ZNF69: variants seen among roughly 807,000 people sequenced by gnomAD.
ZNF69 encodes zinc finger protein 69.
ZNF69 carries 47 observed loss-of-function variants against 50.9 expected under a neutral mutation model. The observed-to-expected ratio is 0.92, with a 90% confidence interval of 0.73 to 1.18. The LOEUF (loss-of-function observed/expected upper bound fraction) is 1.18. ZNF69 is among the 50% of genes most tolerant of loss of function. ZNF69 has a pLI of 0.00. For missense variants in ZNF69, 717 were observed against 675.1 expected (o/e 1.06, Z -0.69); for synonymous variants, 216 against 223.1 (o/e 0.97, Z 0.29).
chr19:11,901,096 A>T (rs73003916), intron 1 of ZNF69, among the ~76,000 whole-genome samples: 1 of 151,938 alleles, frequency 6.6e-6, no homozygotes, highest in African/African-American at 2.4e-5. Context: ...TTACTTTATT[A>T]TGGAGACAGG....
chr19:11,946,469 C>G, the ZNF69 span, among the ~76,000 whole-genome samples: 2 of 152,134 alleles, frequency 1.3e-5, no homozygotes, highest in African/African-American at 4.8e-5. Flanking sequence ...CCCTCATTGG[C>G]TATCTGTCCC....
At chr19:11,940,334 G>T in the ZNF69 span, among the ~76,000 whole-genome samples, 2 of 152,200 alleles carry the variant, frequency 1.3e-5, no homozygotes, top group Non-Finnish European at 2.9e-5. Context: ...GACCCTTGCG[G>T]TGAGTGTTAC....
the ZNF69 span, among the ~76,000 whole-genome samples, chr19:11,974,443 C>T: frequency 5.9e-4 from 90 of 151,776 alleles, 1 homozygote; most frequent in African/African-American, 2.0e-3. Flanking sequence ...GTGATCCACC[C>T]GCCTTGGCCT....
the ZNF69 span, among the ~76,000 whole-genome samples, chr19:11,919,367 G>A: frequency 6.6e-6 from 1 of 151,976 alleles, no homozygotes; most frequent in African/African-American, 2.4e-5. Flanking sequence ...CTCCCCATCT[G>A]CTATGTGATA....
chr19:11,899,304 T>C (rs1350612453), intron 1 of ZNF69, among the ~76,000 whole-genome samples: 1 of 152,176 alleles, frequency 6.6e-6, no homozygotes, highest in Non-Finnish European at 1.5e-5. Context: ...TTTTTATTTT[T>C]CTTTCTTTAT....
the ZNF69 span, among the ~76,000 whole-genome samples, chr19:11,974,956 AG>A: frequency 6.6e-6 from 1 of 152,206 alleles, no homozygotes; most frequent in African/African-American, 2.4e-5. Flanking sequence ...AAAACCTATC[AG>A]CTTAAGGAAT....
chr19:11,946,872 T>G, the ZNF69 span: 10 of 306,748 alleles, frequency 3.3e-5, no homozygotes, highest in East Asian at 6.7e-4. Context: ...TGGTGGTACA[T>G]GCCTATAATC....
At chr19:11,971,500 C>T in the ZNF69 span, among the ~76,000 whole-genome samples, 1 of 152,094 alleles carries the variant, frequency 6.6e-6, no homozygotes, top group Non-Finnish European at 1.5e-5. Flanking sequence ...TGTTCTTAGT[C>T]ATTGTCTTCT....
the ZNF69 span, among the ~76,000 whole-genome samples, chr19:11,970,586 T>A: frequency 3.2e-4 from 49 of 152,238 alleles, no homozygotes; most frequent in Admixed American, 3.2e-3. Context: ...CTTTTTCTGT[T>A]AAGTGTTCAC....
At chr19:11,949,445 A>G in the ZNF69 span, 10 of 1,613,182 alleles carry the variant, frequency 6.2e-6, no homozygotes, top group Middle Eastern at 1.6e-4. Flanking sequence ...GAGAAACCCT[A>G]TGAATGTAAG....
At chr19:11,956,707 T>C in the ZNF69 span, 1 of 391,230 alleles carries the variant, frequency 2.6e-6, no homozygotes, top group Non-Finnish European at 4.5e-6. Context: ...AATACAAAAA[T>C]TAGCCAGGTG....
chr19:11,964,787 G>T, the ZNF69 span, among the ~76,000 whole-genome samples: 1 of 152,204 alleles, frequency 6.6e-6, no homozygotes, highest in African/African-American at 2.4e-5. Flanking sequence ...TGAGGAAGAC[G>T]CTAGTGTTCT....
chr19:11,967,226 C>G, the ZNF69 span, among the ~76,000 whole-genome samples: 1 of 152,090 alleles, frequency 6.6e-6, no homozygotes. Context: ...GTCGCAGGTA[C>G]TTGGGAGGCT....
At chr19:11,979,827 C>G in the ZNF69 span, 2 of 1,561,642 alleles carry the variant, frequency 1.3e-6, no homozygotes, top group African/African-American at 2.7e-5. Flanking sequence ...GCCTTCAGAT[C>G]TGCCAAGAAC....
At chr19:11,947,081 T>A in the ZNF69 span, 1 of 1,508,028 alleles carries the variant, frequency 6.6e-7, no homozygotes, top group Non-Finnish European at 8.8e-7. Flanking sequence ...GAATAAATGT[T>A]TGGAGTCCAC....
At chr19:11,960,051 TTAGACAAGAG>T in the ZNF69 span, among the ~76,000 whole-genome samples, 1 of 151,882 alleles carries the variant, frequency 6.6e-6, no homozygotes, top group African/African-American at 2.4e-5. Flanking sequence ...TTTTTTTTTT[TTAGACAAGAG>T]TTTGGCTCTG....
chr19:11,935,021 G>C, the ZNF69 span, among the ~76,000 whole-genome samples: 6 of 145,550 alleles, frequency 4.1e-5, no homozygotes, highest in East Asian at 6.2e-4. Flanking sequence ...ACTAAAAATA[G>C]AAAAAATTAG....
intron 1 of ZNF69, among the ~76,000 whole-genome samples, chr19:11,903,136 T>A (rs1972281675): frequency 6.6e-6 from 1 of 151,636 alleles, no homozygotes; most frequent in East Asian, 1.9e-4. Context: ...GACGCTGTCT[T>A]AAAAAAAACA....
the ZNF69 span, among the ~76,000 whole-genome samples, chr19:11,960,463 A>T: frequency 2.0e-5 from 3 of 152,022 alleles, no homozygotes; most frequent in South Asian, 2.1e-4. Context: ...GATAATTTTT[A>T]AAAGTTTTTT....
Sources: allele counts gnomAD v4.1 joint callset (sites outside exome capture counted in the v4.1 genomes callset), GRCh38; gene constraint gnomAD v4.1.1; transcripts MANE v1.5; gene names NCBI Gene and HGNC (gene_info 2026-07-23, HGNC 2026-07-21).